The following MED16 variants were observed in gnomAD, a reference collection of about 807,000 sequenced individuals.
The protein encoded by MED16 is mediator of RNA polymerase II transcription subunit 16.
Under a neutral mutation model 84.4 loss-of-function variants are expected in MED16, and 81 were observed. That is an observed-to-expected ratio of 0.96 (90% CI 0.80 to 1.15). The LOEUF (loss-of-function observed/expected upper bound fraction) is 1.15. MED16 is among the 50% of genes most tolerant of loss of function. The pLI, the probability that MED16 is intolerant of heterozygous loss-of-function variation, is 0.00. For missense variants in MED16, 1,585 were observed against 1,245.9 expected (o/e 1.27, Z -4.10); for synonymous variants, 897 against 552.2 (o/e 1.62, Z -8.76).
intron 4 of MED16, among the ~76,000 whole-genome samples, chr19:888,558 G>A (rs576469093): frequency 1.3e-5 from 2 of 151,676 alleles, no homozygotes; most frequent in Non-Finnish European, 2.9e-5. Context: ...AAGGTCTGAG[G>A]TTAGCTATGG....
chr19:885,099 G>A (rs962858202), intron 5 of MED16, 91 bp from the exon 6 acceptor site: 8 of 941,778 alleles, frequency 8.5e-6, no homozygotes, highest in African/African-American at 3.3e-5. Context: ...CTGGGGCCAC[G>A]CACTGCTGGG....
In MED16 at chr19:891,492, G is replaced by A. The variant is rs574557479; in HGVS notation, c.-18-343C>T. Among the ~76,000 whole-genome samples the A allele has an allele frequency of 1.4e-3, 219 of 152,150 alleles. 1 individual carries two copies. Among genetic ancestry groups the A allele is most frequent in the African/African-American group, 5.1e-3 (212 of 41,396 alleles). ...GCGGAGGGTCTGCGCTGGCCCAGGT[G>A]AGTGATGATGGGGGCAGCAAGTGGA... On this transcript the variant is annotated intron_variant, in intron 1 of 15. Coordinates refer to ENST00000325464, the MANE Select transcript of MED16 (RefSeq NM_005481.3).
intron 1 of MED16, 147 bp downstream of exon 1, chr19:892,938 GC>G (rs869260826): frequency 1.8e-4 from 21 of 118,484 alleles, no homozygotes; most frequent in Admixed American, 1.2e-3. Flanking sequence ...CGCGCCCCGC[GC>G]CCCAGGCCGC....
chr19:878,525 G>T (rs2036323615), intron 8 of MED16, among the ~76,000 whole-genome samples: 1 of 121,852 alleles, frequency 8.2e-6, no homozygotes, highest in African/African-American at 3.2e-5. Context: ...TGCCCCAGCA[G>T]CTCACCTTCC....
intron 6 of MED16, among the ~76,000 whole-genome samples, chr19:884,575 C>T (rs2036486893): frequency 6.6e-6 from 1 of 152,178 alleles, no homozygotes; most frequent in Non-Finnish European, 1.5e-5. Flanking sequence ...GACCCACGCT[C>T]CACAGCCGCC....
chr19:885,160 A>T, intron 5 of MED16, 152 bp from the exon 6 acceptor site: 2 of 618,022 alleles, frequency 3.2e-6, no homozygotes, highest in Non-Finnish European at 5.7e-6. Flanking sequence ...ATTCCAGCCC[A>T]GGCCTGTCCC....
intron 13 of MED16, among the ~76,000 whole-genome samples, chr19:870,098 A>T (rs1429385220): frequency 6.6e-6 from 1 of 152,162 alleles, no homozygotes; most frequent in African/African-American, 2.4e-5. Context: ...CCCCCGGGAG[A>T]TCCTCCTGAT....
intron 10 of MED16, among the ~76,000 whole-genome samples, chr19:874,134 GAC>G (rs1386257628): frequency 7.5e-6 from 1 of 132,936 alleles, no homozygotes; most frequent in Non-Finnish European, 1.7e-5. Context: ...TTTTTTTTGA[GAC>G]AGAGTCTCAC....
At position 868,944 on chromosome 19, in the gene MED16, G is replaced by A. The variant is rs1173923661; in HGVS notation, c.2318C>T (p.Ala773Val). 2 of 1,537,210 alleles carry A rather than the reference G, an allele frequency of 1.3e-6. No homozygotes were observed. The highest frequency in any genetic ancestry group is 1.2e-5 in the South Asian group (1 of 83,572). Residue 773 changes from alanine to valine, a missense_variant and splice_region_variant, in exon 14 of 16, where the codon GCC becomes GTC. By Grantham distance (64) the Ala-to-Val change is moderately conservative. Transcript: ENST00000325464. ...GTGGTCGATCTTGGGCTGGCCTGGGGCCCTGGCGGGAGAGGGGAGAACGTG... is the reference window on the plus strand; with the variant it reads ...GTGGTCGATCTTGGGCTGGCCTGGGACCCTGGCGGGAGAGGGGAGAACGTG... ...ATLQLDGLAR[A>V]PGQPKIDHLR...
rs911275144 is a variant in MED16 at position 871,752 on chromosome 19, G to A, written c.2098+174C>T. ...GGGCTCAGGCAGGACTTGTGTTTTG[G>A]TAGGGAGAGGGGAGCGGGGAGAGGG... On this transcript the variant is annotated intron_variant, in intron 12 of 15. Coordinates refer to ENST00000325464, the MANE Select transcript of MED16 (RefSeq NM_005481.3). 2.2e-5 allele frequency: 17 copies of A among 764,796 alleles called. No homozygotes were observed. In the East Asian group the frequency reaches 3.2e-4, roughly 14 times the overall value. The allele number at this position is 764,796 out of a possible 1,614,324, so 47.4% of individuals were successfully genotyped here.
rs534412257 is a variant in MED16 at position 871,032 on chromosome 19, C to T, written c.2315+5G>A. ...GTTTGGGGACCAATGCAGGGACACA[C>T]GCACCTGGCGAGGCCGTCGAGCTGC... On this transcript the variant is annotated splice_donor_5th_base_variant and intron_variant, in intron 13 of 15. Coordinates refer to ENST00000325464, the MANE Select transcript of MED16 (RefSeq NM_005481.3). 20 of 1,538,296 alleles carry T rather than the reference C, an allele frequency of 1.3e-5. No individual in the cohort carries two copies. The highest frequency in any genetic ancestry group is 7.4e-5 in the East Asian group (3 of 40,556).
Position 868,266 on chromosome 19 carries a change from G to A in MED16, c.2484-15C>T. ...CTTCAACAGCCCTGCAGGGCGGGCT[G>A]AGGTTAACCGCGCCGAGGAGAGTCC... On this transcript the variant is annotated splice_polypyrimidine_tract_variant and intron_variant, in intron 15 of 15. Transcript: ENST00000325464. The A allele has an allele frequency of 6.3e-7, 1 of 1,591,794 alleles. No homozygotes were observed. The highest frequency in any genetic ancestry group is 8.5e-7 in the Non-Finnish European group (1 of 1,170,916).
rs980006883 is a variant in MED16 at position 876,223 on chromosome 19, G to A, written c.1560+751C>T. Among the ~76,000 whole-genome samples the A allele has an allele frequency of 5.9e-5, 9 of 152,290 alleles. 1 individual carries two copies. In the South Asian group the frequency reaches 1.0e-3, roughly 18 times the overall value. On this transcript the variant is annotated intron_variant, in intron 9 of 15. Transcript: ENST00000325464. ...GCTCAGAGGGCTGGTCCCACGTGCA[G>A]CTGCCGGCTGAGCTCGTTAGATCTG... is the stretch of plus-strand genomic sequence containing the variant.
Position 868,039 on chromosome 19 carries a change from GCAAGGAAAC to G in MED16, c.*53_*61del. ...AGGTTCAGCGCTCTCCGCGGGTGAG[GCAAGGAAAC>G]CGAGGAGACGCCCGAGCCGGGTCAC... is the stretch of plus-strand genomic sequence containing the variant. On this transcript the variant is annotated 3_prime_UTR_variant, in exon 16 of 16. Coordinates refer to ENST00000325464, the MANE Select transcript of MED16 (RefSeq NM_005481.3). 1 of 1,537,306 alleles carries G rather than the reference GCAAGGAAAC, an allele frequency of 6.5e-7. No homozygotes were observed. The highest frequency in any genetic ancestry group is 8.7e-7 in the Non-Finnish European group (1 of 1,147,680).
rs367851435 is a variant in MED16, at chr19:871,221, C to T, written c.2131G>A (p.Glu711Lys). 1.9e-6 allele frequency: 3 copies of T among 1,545,614 alleles called. No homozygotes were observed. The highest frequency in any genetic ancestry group is 2.0e-5 in the Admixed American group (1 of 51,220). The change falls in exon 13 of 16, where the codon GAG becomes AAG. Residue 711 changes from glutamate to lysine, a missense_variant. By Grantham distance (56) the Glu-to-Lys change is moderately conservative. Coordinates refer to ENST00000325464, the MANE Select transcript of MED16 (RefSeq NM_005481.3). ...RDEGPASEPD[E>K]ALVDECCLLP... ...AGGCAGCATTCATCCACCAGCGCCT[C>T]GTCCGGCTCGCTCGCTGGGCCCTCA...
rs190727221 is a variant in MED16 at position 885,944 on chromosome 19, G to A, written c.705C>T (p.Ser235=). ...NIVVATADGS[S]ASPVQFYKVC... ...CCTTGTAGAACTGCACGGGCGACGC[G>A]CTGCTGCCGTCCGCCGTGGCCACCA... Residue 235 remains serine, a synonymous_variant, in exon 5 of 16, where the codon AGC becomes AGT. Coordinates refer to ENST00000325464, the MANE Select transcript of MED16 (RefSeq NM_005481.3). The A allele has an allele frequency of 5.8e-5, 94 of 1,612,696 alleles. No individual in the cohort carries two copies. The East Asian group carries it at 9.8e-4, about 17-fold the overall frequency.
At chr19:881,774 C>A in intron 6 of MED16, 60 bp from the exon 7 acceptor site, 12 of 1,566,436 alleles carry the variant, frequency 7.7e-6, no homozygotes, top group Non-Finnish European at 1.0e-5. Flanking sequence ...CTGAGACAGC[C>A]GCAGGAGTCC....
intron 15 of MED16, 36 bp downstream of exon 15, chr19:868,380 T>A (rs868091410): frequency 6.2e-7 from 1 of 1,602,060 alleles, no homozygotes; most frequent in Non-Finnish European, 8.5e-7. Flanking sequence ...GGCTCAGGGG[T>A]AGCTGAGGGG....
intron 7 of MED16, 133 bp from the exon 8 acceptor site, chr19:880,281 C>G: frequency 1.3e-6 from 1 of 746,646 alleles, no homozygotes; most frequent in African/African-American, 1.9e-5. Flanking sequence ...CAATCGGCAT[C>G]CAGCGCCCGT....
Sources: allele counts gnomAD v4.1 joint callset (sites outside exome capture counted in the v4.1 genomes callset), GRCh38; gene constraint gnomAD v4.1.1; transcripts MANE v1.5; gene names NCBI Gene and HGNC (gene_info 2026-07-23, HGNC 2026-07-21).